CNTNAP4: variants seen among roughly 807,000 people sequenced by gnomAD.
CNTNAP4 encodes the protein contactin-associated protein-like 4.
In CNTNAP4, 98 loss-of-function variants were observed where a neutral mutation model predicts 148.4. The observed-to-expected ratio is 0.66, with a 90% CI of 0.56 to 0.78. CNTNAP4 has a LOEUF of 0.78. Among genes scored for constraint, CNTNAP4 ranks in the 30% least tolerant of loss-of-function variants. CNTNAP4 has a pLI of 0.00. For synonymous variants in CNTNAP4, 730 were observed against 565.1 expected (o/e 1.29, Z -4.14); for missense variants, 1,935 against 1,565.6 (o/e 1.24, Z -3.98).
chr16:76,554,359 A>G (rs1459747194), intron 23 of CNTNAP4, among the ~76,000 whole-genome samples: 1 of 152,236 alleles, frequency 6.6e-6, no homozygotes, highest in Non-Finnish European at 1.5e-5. Flanking sequence ...TCAAGGCTTA[A>G]TAAAGATGCT....
At chr16:76,505,151 A>C (rs1338678687) in intron 15 of CNTNAP4, among the ~76,000 whole-genome samples, 3 of 152,162 alleles carry the variant, frequency 2.0e-5, no homozygotes, top group East Asian at 3.9e-4. Flanking sequence ...ATATGCATAT[A>C]GTCAGTTTTT....
intron 2 of CNTNAP4, among the ~76,000 whole-genome samples, chr16:76,343,750 T>TTG (rs57968965): frequency 0.18 from 27,436 of 151,966 alleles, 3,237 homozygotes; most frequent in East Asian, 0.49. Flanking sequence ...ATTTTTTTTT[T>TTG]GTCTGATGAG....
chr16:76,522,312 C>A, intron 17 of CNTNAP4, 55 bp downstream of exon 17: 1 of 1,448,748 alleles, frequency 6.9e-7, no homozygotes, highest in Non-Finnish European at 9.6e-7. Context: ...TCAGAAATGG[C>A]CCAAGATAAA....
intron 3 of CNTNAP4, among the ~76,000 whole-genome samples, chr16:76,362,414 T>C (rs1013857747): frequency 1.3e-5 from 2 of 152,196 alleles, no homozygotes; most frequent in Admixed American, 6.5e-5. Context: ...CTAAGATTTA[T>C]ATAAAACCAG....
chr16:76,381,058 C>T (rs996874559), intron 3 of CNTNAP4, among the ~76,000 whole-genome samples: 2 of 152,170 alleles, frequency 1.3e-5, no homozygotes, highest in African/African-American at 2.4e-5. Context: ...CCTCTATTTC[C>T]CATTACCAGT....
intron 1 of CNTNAP4, chr16:76,310,022 A>G (rs181794325): frequency 3.2e-6 from 2 of 616,116 alleles, no homozygotes; most frequent in East Asian, 5.7e-5. Flanking sequence ...GGCTTCTTGC[A>G]CTGGTTGCTT....
At chr16:76,399,940 G>C (rs887671302) in intron 3 of CNTNAP4, among the ~76,000 whole-genome samples, 1 of 152,102 alleles carries the variant, frequency 6.6e-6, no homozygotes, top group East Asian at 1.9e-4. Context: ...TTATATTTTA[G>C]TGCTCTGGAC....
At chr16:76,443,825 C>G (rs17767170) in intron 4 of CNTNAP4, among the ~76,000 whole-genome samples, 4,690 of 152,074 alleles carry the variant, frequency 0.031, 101 homozygotes, top group East Asian at 0.076. Flanking sequence ...GTTTGCATTG[C>G]TGTTGCTTTT....
rs143711679 is a variant in CNTNAP4 at position 76,427,542 on chromosome 16, G to T, written c.481G>T (p.Glu161Ter). The T allele has an allele frequency of 6.2e-7, 1 of 1,612,982 alleles. No homozygotes were observed. Among genetic ancestry groups the T allele is most frequent in the Admixed American group, 1.7e-5 (1 of 59,912 alleles). Residue 161 changes from glutamate to a stop codon, truncating the protein, a stop_gained, in exon 4 of 24, where the codon GAA becomes TAA. Coordinates refer to ENST00000611870, the MANE Select transcript of CNTNAP4 (RefSeq NM_033401.5). LOFTEE classifies it high-confidence loss of function. The stretch of plus-strand genomic sequence containing the variant: ...CAGATTTCTGCGCTTCATCCCTTTG[G>T]AATGGAACCCCAAGGGCAGAATTGG... Reference protein sequence around the residue: ...KARFLRFIPLEWNPKGRIGMR... With the variant: ...KARFLRFIPL
intron 21 of CNTNAP4, among the ~76,000 whole-genome samples, chr16:76,548,520 T>C (rs1568603239): frequency 6.6e-6 from 1 of 151,988 alleles, no homozygotes. Flanking sequence ...TTCTCTGTAA[T>C]AGAAGGGCAC....
intron 3 of CNTNAP4, among the ~76,000 whole-genome samples, chr16:76,377,363 T>C (rs1043061531): frequency 6.6e-6 from 1 of 152,094 alleles, no homozygotes; most frequent in African/African-American, 2.4e-5. Flanking sequence ...AGATGGAAAG[T>C]GTCTAAGGAA....
chr16:76,330,065 T>C (rs1963370024), intron 2 of CNTNAP4, among the ~76,000 whole-genome samples: 1 of 152,224 alleles, frequency 6.6e-6, no homozygotes, highest in Admixed American at 6.5e-5. Flanking sequence ...GAATTTTTAA[T>C]TGCCTGCTTG....
intron 2 of CNTNAP4, among the ~76,000 whole-genome samples, chr16:76,336,155 A>G (rs962601961): frequency 8.5e-5 from 13 of 152,140 alleles, no homozygotes; most frequent in African/African-American, 3.1e-4. Context: ...GATTTTCTAC[A>G]TGAGAAAGAA....
At chr16:76,413,939 C>G (rs757812113) in intron 3 of CNTNAP4, among the ~76,000 whole-genome samples, 1 of 150,918 alleles carries the variant, frequency 6.6e-6, no homozygotes, top group Non-Finnish European at 1.5e-5. Flanking sequence ...ATCTAACAGA[C>G]TTGCTAAACT....
intron 3 of CNTNAP4, among the ~76,000 whole-genome samples, chr16:76,407,458 C>T (rs995229824): frequency 6.6e-6 from 1 of 151,778 alleles, no homozygotes; most frequent in Non-Finnish European, 1.5e-5. Context: ...ATTTGTAACT[C>T]ATGAGAGAAG....
intron 3 of CNTNAP4, among the ~76,000 whole-genome samples, chr16:76,361,591 C>T (rs146096242): frequency 3.9e-5 from 6 of 152,170 alleles, no homozygotes; most frequent in African/African-American, 9.6e-5. Flanking sequence ...GCCACTTCTT[C>T]GCTGTTGTAA....
intron 3 of CNTNAP4, among the ~76,000 whole-genome samples, chr16:76,364,157 A>G (rs2013799620): frequency 1.4e-5 from 2 of 144,522 alleles, no homozygotes; most frequent in African/African-American, 5.1e-5. Context: ...GAATCACTAG[A>G]ACCTGGGAGG....
At chr16:76,373,876 C>T (rs1597356583) in intron 3 of CNTNAP4, among the ~76,000 whole-genome samples, 1 of 104,102 alleles carries the variant, frequency 9.6e-6, no homozygotes, top group Non-Finnish European at 1.8e-5. Context: ...GCCTGGGTGA[C>T]AAGAGTGAAA....
At chr16:76,298,913 T>C (rs2143908502) in intron 1 of CNTNAP4, among the ~76,000 whole-genome samples, 1 of 152,242 alleles carries the variant, frequency 6.6e-6, no homozygotes, top group Non-Finnish European at 1.5e-5. Context: ...TTAAATCAGT[T>C]CCTCTTTAAT....
Sources: allele counts gnomAD v4.1 joint callset (sites outside exome capture counted in the v4.1 genomes callset), GRCh38; gene constraint gnomAD v4.1.1; transcripts MANE v1.5; gene names NCBI Gene and HGNC (gene_info 2026-07-23, HGNC 2026-07-21).